CHRM3: variants seen among roughly 807,000 people sequenced by gnomAD.
CHRM3 encodes cholinergic receptor muscarinic 3, also known as muscarinic acetylcholine receptor M3.
CHRM3 carries 11 observed loss-of-function variants against 41.8 expected under a neutral mutation model. The observed-to-expected ratio is 0.26, with a 90% CI of 0.17 to 0.44. CHRM3 has a LOEUF of 0.44. Among genes scored for constraint, CHRM3 ranks in the 20% least tolerant of loss-of-function variants. CHRM3 has a pLI of 1.00. For missense variants in CHRM3, 571 were observed against 745.4 expected, an observed-to-expected ratio of 0.77 and a Z score of 2.72; for synonymous variants, 297 against 301.4, an observed-to-expected ratio of 0.99 and a Z score of 0.15.
intron 5 of CHRM3, among the ~76,000 whole-genome samples, chr1:239,686,578 G>A (rs979916580): frequency 6.6e-6 from 1 of 152,092 alleles, no homozygotes; most frequent in African/African-American, 2.4e-5. Context: ...TCACCACTCT[G>A]CACTATACTT....
chr1:239,494,854 A>T (rs1316057607), intron 2 of CHRM3, among the ~76,000 whole-genome samples: 2 of 152,144 alleles, frequency 1.3e-5, no homozygotes, highest in East Asian at 3.9e-4. Context: ...AGCTTCATCC[A>T]TGTCCCTGAA....
chr1:239,826,514 A>G (rs899337626), intron 5 of CHRM3, among the ~76,000 whole-genome samples: 13 of 152,204 alleles, frequency 8.5e-5, no homozygotes, highest in Non-Finnish European at 5.9e-5. Flanking sequence ...AGGTCAGTGT[A>G]GCCTAGATTT....
At chr1:239,902,526 C>G (rs1679660177) in intron 6 of CHRM3, among the ~76,000 whole-genome samples, 1 of 152,162 alleles carries the variant, frequency 6.6e-6, no homozygotes, top group Non-Finnish European at 1.5e-5. Context: ...TGTATCTCAT[C>G]ACATCAGAAC....
At chr1:239,657,752 A>G (rs1023935674) in intron 4 of CHRM3, among the ~76,000 whole-genome samples, 1 of 152,206 alleles carries the variant, frequency 6.6e-6, no homozygotes, top group African/African-American at 2.4e-5. Context: ...CCTGAGAAAA[A>G]TGTTCACATT....
intron 5 of CHRM3, among the ~76,000 whole-genome samples, chr1:239,692,969 C>G (rs1219364725): frequency 6.6e-6 from 1 of 152,188 alleles, no homozygotes; most frequent in Non-Finnish European, 1.5e-5. Flanking sequence ...CCAACAGTTT[C>G]TATGAATTTT....
chr1:239,683,964 TTC>T (rs754915976), intron 5 of CHRM3, among the ~76,000 whole-genome samples: 2 of 152,254 alleles, frequency 1.3e-5, no homozygotes, highest in Admixed American at 6.5e-5. Flanking sequence ...CAAATTATTT[TTC>T]TCAGCAATTG....
intron 1 of CHRM3, among the ~76,000 whole-genome samples, chr1:239,394,403 T>A (rs752235268): frequency 5.9e-5 from 9 of 152,188 alleles, no homozygotes; most frequent in Non-Finnish European, 1.3e-4. Context: ...GCCTGTCTTA[T>A]AAGGATATGT....
At chr1:239,776,575 A>G (rs1270579578) in intron 5 of CHRM3, among the ~76,000 whole-genome samples, 1 of 152,176 alleles carries the variant, frequency 6.6e-6, no homozygotes, top group Non-Finnish European at 1.5e-5. Flanking sequence ...GAACAAAGAG[A>G]TGAAAAGAAA....
At chr1:239,793,058 A>G (rs1669476955) in intron 5 of CHRM3, among the ~76,000 whole-genome samples, 1 of 152,216 alleles carries the variant, frequency 6.6e-6, no homozygotes, top group Non-Finnish European at 1.5e-5. Flanking sequence ...GTGTACTTTA[A>G]GCATTTCTCA....
chr1:239,466,499 A>G (rs2147911970), intron 1 of CHRM3, among the ~76,000 whole-genome samples: 1 of 152,270 alleles, frequency 6.6e-6, no homozygotes, highest in African/African-American at 2.4e-5. Context: ...CTCAAAAGTT[A>G]TATGTAGATT....
intron 3 of CHRM3, among the ~76,000 whole-genome samples, chr1:239,597,403 G>T (rs1056450219): frequency 6.6e-6 from 1 of 152,124 alleles, no homozygotes; most frequent in Admixed American, 6.5e-5. Flanking sequence ...TAGCTAACCT[G>T]TAGCAGATGT....
intron 3 of CHRM3, among the ~76,000 whole-genome samples, chr1:239,547,791 T>C (rs113121043): frequency 1.3e-5 from 2 of 152,236 alleles, no homozygotes; most frequent in Admixed American, 1.3e-4. Flanking sequence ...AATTATTGAT[T>C]TATTTTGTTA....
intron 1 of CHRM3, among the ~76,000 whole-genome samples, chr1:239,483,913 G>A (rs1296276991): frequency 6.6e-6 from 1 of 152,102 alleles, no homozygotes; most frequent in Admixed American, 6.6e-5. Context: ...TATGAATTTG[G>A]CTACCTTTCT....
At chr1:239,851,794 A>C (rs1674716101) in intron 6 of CHRM3, among the ~76,000 whole-genome samples, 1 of 152,124 alleles carries the variant, frequency 6.6e-6, no homozygotes, top group Non-Finnish European at 1.5e-5. Context: ...GCTAGCATTA[A>C]AAAGGTATAG....
intron 5 of CHRM3, among the ~76,000 whole-genome samples, chr1:239,754,060 T>C (rs1666049636): frequency 6.6e-6 from 1 of 152,206 alleles, no homozygotes; most frequent in Non-Finnish European, 1.5e-5. Context: ...ATTGTGATTA[T>C]AGTTACAAGC....
chr1:239,794,840 C>T (rs1669641066), intron 5 of CHRM3, among the ~76,000 whole-genome samples: 1 of 152,142 alleles, frequency 6.6e-6, no homozygotes, highest in Admixed American at 6.6e-5. Flanking sequence ...CAAGATGTTT[C>T]CGATCCTATC....
chr1:239,546,900 A>G (rs933677374), intron 3 of CHRM3, among the ~76,000 whole-genome samples: 15 of 152,314 alleles, frequency 9.8e-5, no homozygotes, highest in African/African-American at 3.6e-4. Flanking sequence ...AAATCATTTT[A>G]ACATCTTCTA....
chr1:239,633,372 T>C (rs902903303), intron 4 of CHRM3, among the ~76,000 whole-genome samples: 7 of 152,090 alleles, frequency 4.6e-5, no homozygotes, highest in African/African-American at 1.4e-4. Flanking sequence ...ACTATCATGA[T>C]AACAGCATGG....
intron 5 of CHRM3, among the ~76,000 whole-genome samples, chr1:239,739,042 A>C (rs1236087021): frequency 6.6e-6 from 1 of 152,178 alleles, no homozygotes; most frequent in Non-Finnish European, 1.5e-5. Flanking sequence ...TGCTCACTAC[A>C]GGAAGCACCT....
Sources: gnomAD v4.1 joint callset for allele counts (sites outside exome capture counted in the v4.1 genomes callset) on GRCh38, gnomAD v4.1.1 for gene constraint, MANE v1.5 for transcripts, NCBI Gene and HGNC (gene_info 2026-07-23, HGNC 2026-07-21) for gene names.